The following LYST variants were observed in gnomAD, a reference collection of about 807,000 sequenced individuals.
LYST encodes lysosomal-trafficking regulator.
Under a neutral mutation model 413.6 loss-of-function variants are expected in LYST, and 192 were observed. That is an observed-to-expected ratio of 0.46 (90% CI 0.41 to 0.52). The LOEUF is 0.52. Among genes scored for constraint, LYST ranks in the 20% least tolerant of loss-of-function variants. LYST has a pLI of 0.00. For missense variants in LYST, 3,815 were observed against 4,499.9 expected (o/e 0.85, Z 4.35); for synonymous variants, 1,525 against 1,567.3 (o/e 0.97, Z 0.64).
chr1:235,695,551 G>A (rs1379879192), intron 46 of LYST, among the ~76,000 whole-genome samples: 1 of 151,974 alleles, frequency 6.6e-6, no homozygotes, highest in African/African-American at 2.4e-5. Flanking sequence ...TGTTTGACAT[G>A]CTTAAGTCCC....
intron 1 of LYST, among the ~76,000 whole-genome samples, chr1:235,840,993 C>T (rs150585616): frequency 8.4e-4 from 128 of 152,276 alleles, no homozygotes; most frequent in African/African-American, 2.7e-3. Flanking sequence ...GAAGAACACA[C>T]AAGAAGAACT....
At chr1:235,879,132 A>G (rs945827818) in intron 1 of LYST, among the ~76,000 whole-genome samples, 1 of 152,140 alleles carries the variant, frequency 6.6e-6, no homozygotes, top group Non-Finnish European at 1.5e-5. Context: ...CAGCCTCCCA[A>G]AGCACTGGGA....
At chr1:235,719,516 T>A (rs1212175370) in intron 40 of LYST, among the ~76,000 whole-genome samples, 2 of 151,674 alleles carry the variant, frequency 1.3e-5, no homozygotes, top group African/African-American at 4.9e-5. Flanking sequence ...AGGTACAAAT[T>A]CAATGGGAGC....
At chr1:235,790,286 AC>A (rs1426558650) in intron 12 of LYST, among the ~76,000 whole-genome samples, 1 of 152,232 alleles carries the variant, frequency 6.6e-6, no homozygotes, top group Non-Finnish European at 1.5e-5. Flanking sequence ...GGAATTAAAA[AC>A]AGGTGGGTTT....
At chr1:235,873,244 A>T (rs1003032884) in intron 1 of LYST, among the ~76,000 whole-genome samples, 1 of 152,196 alleles carries the variant, frequency 6.6e-6, no homozygotes, top group African/African-American at 2.4e-5. Flanking sequence ...AAAACAACTG[A>T]AATTTCCCCT....
chr1:235,755,333 G>C, intron 25 of LYST, 145 bp downstream of exon 25: 1 of 744,122 alleles, frequency 1.3e-6, no homozygotes, highest in Non-Finnish European at 2.3e-6. Flanking sequence ...AAGTTGCAGT[G>C]AGCCGAGATT....
At position 235,715,556 on chromosome 1, in the gene LYST, C is replaced by T. The variant is rs115007448; in HGVS notation, c.9628-199G>A. ...CTTCTCCTTGGTGCCTCACTAAGAC[C>T]CAAACACTCAGAAGCATTTCTCATC... is the stretch of plus-strand genomic sequence containing the variant. On this transcript the variant is annotated intron_variant, in intron 41 of 52. Coordinates refer to ENST00000389793, the MANE Select transcript of LYST (RefSeq NM_000081.4). 1.0e-3 allele frequency among the ~76,000 whole-genome samples: 152 copies of T among 152,104 alleles called. 1 individual carries two copies. The highest frequency in any genetic ancestry group is 1.5e-3 in the Non-Finnish European group (100 of 67,982).
At chr1:235,859,063 C>T (rs1179175716) in intron 1 of LYST, among the ~76,000 whole-genome samples, 1 of 152,176 alleles carries the variant, frequency 6.6e-6, no homozygotes, top group Non-Finnish European at 1.5e-5. Flanking sequence ...CATGTTCTTC[C>T]TTCTCAATCT....
chr1:235,798,607 A>C (rs1424745114), intron 10 of LYST, among the ~76,000 whole-genome samples: 3 of 143,146 alleles, frequency 2.1e-5, no homozygotes, highest in Non-Finnish European at 4.6e-5. Context: ...AAAAAAAAAA[A>C]AAAAAAAAAC....
intron 30 of LYST, 71 bp from the exon 31 acceptor site, chr1:235,741,699 G>T: frequency 9.1e-7 from 1 of 1,103,768 alleles, no homozygotes; most frequent in Non-Finnish European, 1.4e-6. Context: ...CCTCAACACA[G>T]CCCTAAAGAA....
In LYST at chr1:235,724,044, G is replaced by C; in HGVS notation, c.9299C>G (p.Ala3100Gly). 6.2e-7 allele frequency: 1 copy of C among 1,613,610 alleles called. No individual in the cohort carries two copies. The highest frequency in any genetic ancestry group is 1.1e-5 in the South Asian group (1 of 91,070). Residue 3100 changes from alanine (A) to glycine (G), a missense_variant, in exon 39 of 53, where the codon GCA (alanine) becomes GGA (glycine). Physicochemically the swap from Ala to Gly is moderately conservative, Grantham distance 60 (BLOSUM62 0). Transcript: ENST00000389793. Reference sequence around the variant, plus strand: ...TGAATTTACCTTGGTGTTATCAAATGCCAACAGGAGTGTTCTGCCATTTGT... The same window carrying C: ...TGAATTTACCTTGGTGTTATCAAATCCCAACAGGAGTGTTCTGCCATTTGT... ...FLTNGRTLLL[A>G]FDNTKVRDDV...
intron 3 of LYST, chr1:235,827,423 G>A (rs1291367027): frequency 6.1e-6 from 6 of 983,566 alleles, no homozygotes; most frequent in Non-Finnish European, 7.2e-6. Flanking sequence ...GGTGGGAAAG[G>A]GCTTAAATCA....
In LYST at chr1:235,733,794, C is replaced by G. The variant is rs753730677; in HGVS notation, c.8612+36G>C. ...AGTATATGTGAAATCTAATGGATTC[C>G]TAAAATACATGCCTTTGGAACATAT... is the stretch of plus-strand genomic sequence containing the variant. On this transcript the variant is annotated intron_variant, in intron 33 of 52. Coordinates refer to ENST00000389793, the MANE Select transcript of LYST (RefSeq NM_000081.4). 3 of 1,520,312 alleles carry G rather than the reference C, an allele frequency of 2.0e-6. No individual in the cohort carries two copies. The African/African-American group carries it at 4.1e-5, about 21-fold the overall frequency. 94.2% of individuals were successfully genotyped at this position (1,520,312 alleles called of 1,614,324 possible).
At chr1:235,747,432 C>T in intron 28 of LYST, 3 of 220,012 alleles carry the variant, frequency 1.4e-5, no homozygotes, top group Non-Finnish European at 2.9e-5. Flanking sequence ...AAGACTTATC[C>T]TGTAAGATAT....
At chr1:235,788,992 C>T (rs1670716823) in intron 12 of LYST, 147 bp from the exon 13 acceptor site, 1 of 744,924 alleles carries the variant, frequency 1.3e-6, no homozygotes. Flanking sequence ...TCTAAACAAC[C>T]ATATTTTCAG....
At chr1:235,761,502 C>G (rs1485194501) in intron 22 of LYST, among the ~76,000 whole-genome samples, 1 of 152,166 alleles carries the variant, frequency 6.6e-6, no homozygotes, top group Admixed American at 6.6e-5. Context: ...CTTGAATACA[C>G]TTACTATGGA....
At chr1:235,857,820 A>G (rs1022283439) in intron 1 of LYST, among the ~76,000 whole-genome samples, 6 of 151,862 alleles carry the variant, frequency 4.0e-5, no homozygotes, top group African/African-American at 1.5e-4. Flanking sequence ...AAGAGAGAAG[A>G]GAGGGTTAAG....
rs375135845 is a variant in LYST, at chr1:235,777,287, T to A, written c.5236A>T (p.Thr1746Ser). The change falls in exon 17 of 53, where the codon ACA becomes TCA. Residue 1746 changes from threonine to serine, a missense_variant. Coordinates refer to ENST00000389793, the MANE Select transcript of LYST (RefSeq NM_000081.4). ...GTATACTGAGCAGGACAGTAAGTTG[T>A]ATAAACAACTGAAAGACTTTCCTGA... ...LLIESLSVVYTTYCPAQYTIY... is the reference protein window; with the variant it reads ...LLIESLSVVYSTYCPAQYTIY... 1.1e-5 allele frequency: 17 copies of A among 1,612,578 alleles called. No individual in the cohort carries two copies. In the African/African-American group the frequency reaches 1.6e-4, roughly 15 times the overall value.
At chr1:235,868,204 C>T (rs1292631894), upstream of LYST, among the ~76,000 whole-genome samples, 3 of 151,748 alleles carry the variant, frequency 2.0e-5, no homozygotes, top group Non-Finnish European at 4.4e-5. Flanking sequence ...CAGATTCTCG[C>T]TCTGTCGCCC....
Sources: gnomAD v4.1 joint callset for allele counts (sites outside exome capture counted in the v4.1 genomes callset) on GRCh38, gnomAD v4.1.1 for gene constraint, MANE v1.5 for transcripts, NCBI Gene and HGNC (gene_info 2026-07-23, HGNC 2026-07-21) for gene names.